Variants in AFF3 observed in about 807,000 individuals in gnomAD.
AFF3 encodes ALF transcription elongation factor 3, also known as AF4/FMR2 family member 3.
A neutral mutation model predicts 129.7 loss-of-function variants in AFF3; 32 were observed. The ratio of observed to expected loss-of-function variants is 0.25; its 90% confidence interval spans 0.19 to 0.33. The LOEUF is 0.33. Among genes scored for constraint, AFF3 ranks in the 10% least tolerant of loss-of-function variants. The probability of loss-of-function intolerance (pLI) is 1.00; values close to 1 mark genes in which losing one functional copy is unlikely to be tolerated. For synonymous variants in AFF3, 644 were observed against 635.4 expected, an observed-to-expected ratio of 1.01 and a Z score of -0.20; for missense variants, 1,373 against 1,592.0, an observed-to-expected ratio of 0.86 and a Z score of 2.34.
chr2:100,024,994 T>A (rs1683920476), intron 4 of AFF3, among the ~76,000 whole-genome samples: 3 of 152,180 alleles, frequency 2.0e-5, no homozygotes, highest in Admixed American at 2.0e-4. Flanking sequence ...ATACAAAGCA[T>A]TATGTTTTAA....
intron 7 of AFF3, among the ~76,000 whole-genome samples, chr2:99,943,811 G>A (rs751836776): frequency 1.3e-5 from 2 of 152,162 alleles, no homozygotes; most frequent in Non-Finnish European, 2.9e-5. Flanking sequence ...GTTTAGTGGA[G>A]TCTCCCGGTA....
intron 7 of AFF3, among the ~76,000 whole-genome samples, chr2:99,912,732 G>A (rs1695186027): frequency 6.6e-6 from 1 of 152,188 alleles, no homozygotes; most frequent in Admixed American, 6.5e-5. Context: ...CAAATTCTTA[G>A]CTTACTGTTT....
chr2:99,667,338 T>C (rs1423691678), intron 12 of AFF3, among the ~76,000 whole-genome samples: 1 of 152,112 alleles, frequency 6.6e-6, no homozygotes, highest in Non-Finnish European at 1.5e-5. Context: ...ATACAACACA[T>C]CAATATTTGT....
chr2:99,647,968 T>C (rs978240024), intron 13 of AFF3, among the ~76,000 whole-genome samples: 2 of 152,180 alleles, frequency 1.3e-5, no homozygotes, highest in Non-Finnish European at 2.9e-5. Flanking sequence ...TAGGACAAAG[T>C]TGTATATGTT....
rs1236623303 is a variant in AFF3 at position 99,624,402 on chromosome 2, T to C, written c.1185-22781A>G. 6.6e-5 allele frequency among the ~76,000 whole-genome samples: 10 copies of C among 152,334 alleles called. No individual in the cohort carries two copies. The East Asian group carries it at 1.9e-3, about 29-fold the overall frequency. On this transcript the variant is annotated intron_variant, in intron 13 of 24. Coordinates refer to ENST00000672756, the MANE Select transcript of AFF3 (RefSeq NM_001386135.1). The stretch of plus-strand genomic sequence containing the variant: ...CACTTCAGTAATTGCTTTTATATTA[T>C]AATATTTACTACCATTGCCATTGTG...
At chr2:99,752,155 C>A in intron 9 of AFF3, 66 bp downstream of exon 9, 1 of 1,365,766 alleles carries the variant, frequency 7.3e-7, no homozygotes, top group South Asian at 1.2e-5. Context: ...ACGGGTAAAG[C>A]CCACTGCCCA....
chr2:99,731,479 T>A (rs1287462410), intron 10 of AFF3, among the ~76,000 whole-genome samples: 3 of 152,180 alleles, frequency 2.0e-5, no homozygotes, highest in Non-Finnish European at 4.4e-5. Flanking sequence ...TTTCATACCA[T>A]GTAAAATGAG....
chr2:99,594,315 CA>C, intron 14 of AFF3, 26 bp from the exon 15 acceptor site: 1 of 1,579,630 alleles, frequency 6.3e-7, no homozygotes, highest in Non-Finnish European at 8.6e-7. Context: ...CGGTGACAAA[CA>C]AAACATCTTT....
intron 10 of AFF3, among the ~76,000 whole-genome samples, chr2:99,729,187 A>G (rs1213135142): frequency 2.0e-5 from 3 of 152,198 alleles, no homozygotes; most frequent in Non-Finnish European, 4.4e-5. Flanking sequence ...GCAGCAGGCA[A>G]TGGTAAAATT....
chr2:99,882,593 T>C (rs1199898494), intron 7 of AFF3, among the ~76,000 whole-genome samples: 1 of 152,162 alleles, frequency 6.6e-6, no homozygotes, highest in Non-Finnish European at 1.5e-5. Context: ...AAGGGGCATC[T>C]CTCTTGGAAG....
chr2:99,606,676 G>A (rs557883916), intron 13 of AFF3, among the ~76,000 whole-genome samples: 23 of 152,000 alleles, frequency 1.5e-4, no homozygotes, highest in Non-Finnish European at 3.1e-4. Flanking sequence ...CCAGCACTTT[G>A]GGAAGCCGAG....
chr2:99,569,330 T>C (rs1350159996), intron 18 of AFF3, among the ~76,000 whole-genome samples: 4 of 152,258 alleles, frequency 2.6e-5, no homozygotes, highest in African/African-American at 7.2e-5. Context: ...AGTATATTTA[T>C]GTATCCTTAT....
chr2:100,122,314 T>A (rs889511180), intron 2 of AFF3, among the ~76,000 whole-genome samples: 2 of 152,246 alleles, frequency 1.3e-5, no homozygotes, highest in Admixed American at 6.5e-5. Flanking sequence ...AAGATTGAGA[T>A]GATCATGAGA....
intron 11 of AFF3, among the ~76,000 whole-genome samples, chr2:99,719,834 G>A (rs1275074774): frequency 6.6e-6 from 1 of 152,136 alleles, no homozygotes; most frequent in African/African-American, 2.4e-5. Context: ...TGGATCACAA[G>A]GTCAGGAGAT....
chr2:100,054,694 T>G (rs1686624318), intron 4 of AFF3, among the ~76,000 whole-genome samples: 1 of 152,218 alleles, frequency 6.6e-6, no homozygotes, highest in African/African-American at 2.4e-5. Context: ...GTGTATTGTT[T>G]TCCATCCATC....
intron 8 of AFF3, among the ~76,000 whole-genome samples, chr2:99,832,477 C>A (rs970714169): frequency 1.3e-5 from 2 of 152,176 alleles, no homozygotes; most frequent in African/African-American, 4.8e-5. Flanking sequence ...AGTCACAGGG[C>A]CCTGCAACAT....
intron 8 of AFF3, among the ~76,000 whole-genome samples, chr2:99,836,365 A>G (rs1035899751): frequency 1.3e-5 from 2 of 152,236 alleles, no homozygotes; most frequent in Non-Finnish European, 2.9e-5. Context: ...GCCCCAGAAT[A>G]GAGACAATAT....
At chr2:99,862,629 G>A (rs1376259046) in intron 7 of AFF3, among the ~76,000 whole-genome samples, 6 of 152,222 alleles carry the variant, frequency 3.9e-5, no homozygotes, top group African/African-American at 1.4e-4. Flanking sequence ...TTCCTAGCTT[G>A]TTCCTTTATG....
At chr2:99,871,557 A>T (rs1691865684) in intron 7 of AFF3, among the ~76,000 whole-genome samples, 1 of 152,140 alleles carries the variant, frequency 6.6e-6, no homozygotes, top group Admixed American at 6.5e-5. Flanking sequence ...TTCAAGGCTG[A>T]CTCTTAACAA....
Sources: gnomAD v4.1 joint callset for allele counts (sites outside exome capture counted in the v4.1 genomes callset) on GRCh38, gnomAD v4.1.1 for gene constraint, MANE v1.5 for transcripts, NCBI Gene and HGNC (gene_info 2026-07-23, HGNC 2026-07-21) for gene names.